SEMA5A: variants seen among roughly 807,000 people sequenced by gnomAD.
SEMA5A encodes semaphorin 5A, also known as semaphorin-5A.
SEMA5A carries 55 observed loss-of-function variants against 135.5 expected under a neutral mutation model. That is an observed-to-expected ratio of 0.41 (90% CI 0.33 to 0.51). The LOEUF is 0.51. Ranked by LOEUF, SEMA5A falls within the 20% of genes least tolerant of loss-of-function variation. The pLI, the probability that SEMA5A is intolerant of heterozygous loss-of-function variation, is 0.37. For synonymous variants in SEMA5A, 580 were observed against 546.5 expected, an observed-to-expected ratio of 1.06 and a Z score of -0.85; for missense variants, 1,290 against 1,419.9, an observed-to-expected ratio of 0.91 and a Z score of 1.47.
chr5:9,298,104 A>G (rs1751431320), intron 5 of SEMA5A, among the ~76,000 whole-genome samples: 1 of 152,206 alleles, frequency 6.6e-6, no homozygotes, highest in Admixed American at 6.5e-5. Flanking sequence ...GTACCTAACA[A>G]ATAATCTCAT....
At chr5:9,485,376 G>C (rs1996036) in intron 1 of SEMA5A, among the ~76,000 whole-genome samples, 43,917 of 152,032 alleles carry the variant, frequency 0.29, 6,760 homozygotes, top group East Asian at 0.55. Flanking sequence ...AAGAAACCTG[G>C]CTCATCTTAA....
At chr5:9,431,069 G>A (rs1757840825) in intron 2 of SEMA5A, among the ~76,000 whole-genome samples, 1 of 152,096 alleles carries the variant, frequency 6.6e-6, no homozygotes, top group Admixed American at 6.6e-5. Context: ...GCCAAACTAG[G>A]GTTAAGAGTT....
At chr5:9,208,811 G>A (rs1010032033) in intron 8 of SEMA5A, among the ~76,000 whole-genome samples, 7 of 152,148 alleles carry the variant, frequency 4.6e-5, no homozygotes, top group East Asian at 3.9e-4. Flanking sequence ...TTATCACTCC[G>A]TTTCCTGGGT....
In SEMA5A at chr5:9,039,142, G is replaced by GGAA. The variant is rs1477329093; in HGVS notation, c.*3752_*3754dup. ...TTTCCATCCTTTTGCAGATAAATAA[G>GGAA]GAAGTAAGTACACCTTTGGCTAAAA... On this transcript the variant is annotated 3_prime_UTR_variant, in exon 23 of 23. Transcript: ENST00000382496. 1 of 152,264 alleles carries GGAA rather than the reference G, an allele frequency of 6.6e-6. No individual in the cohort carries two copies. Among genetic ancestry groups the GGAA allele is most frequent in the African/African-American group, 2.4e-5 (1 of 41,468 alleles). 9.4% of individuals were successfully genotyped at this position (152,264 alleles called of 1,614,324 possible).
At chr5:9,456,665 C>T (rs1191643654) in intron 1 of SEMA5A, among the ~76,000 whole-genome samples, 2 of 152,068 alleles carry the variant, frequency 1.3e-5, no homozygotes, top group Admixed American at 6.6e-5. Flanking sequence ...TAAGTCAGCC[C>T]AGCTGCAATA....
chr5:9,267,442 A>G (rs1187424842), intron 5 of SEMA5A, among the ~76,000 whole-genome samples: 1 of 152,146 alleles, frequency 6.6e-6, no homozygotes, highest in African/African-American at 2.4e-5. Flanking sequence ...AGTGACATCA[A>G]TCACCCCATA....
At chr5:9,505,522 T>C (rs1735828494) in intron 1 of SEMA5A, among the ~76,000 whole-genome samples, 1 of 152,192 alleles carries the variant, frequency 6.6e-6, no homozygotes, top group Non-Finnish European at 1.5e-5. Context: ...GGCTTCTTGA[T>C]TGAATGCTAC....
intron 16 of SEMA5A, among the ~76,000 whole-genome samples, chr5:9,099,497 A>G (rs1288169696): frequency 6.6e-6 from 1 of 152,202 alleles, no homozygotes; most frequent in African/African-American, 2.4e-5. Flanking sequence ...TTTTACAACC[A>G]CAATGCAATG....
chr5:9,142,181 A>G (rs1006300314), intron 12 of SEMA5A, among the ~76,000 whole-genome samples: 4 of 152,210 alleles, frequency 2.6e-5, no homozygotes, highest in African/African-American at 7.2e-5. Context: ...GGGCCATAAG[A>G]GTCTGGTGAA....
intron 22 of SEMA5A, among the ~76,000 whole-genome samples, chr5:9,043,941 G>C (rs773660171): frequency 6.6e-6 from 1 of 152,192 alleles, no homozygotes; most frequent in Non-Finnish European, 1.5e-5. Flanking sequence ...GTTGTTCATG[G>C]AAGGAGCTCG....
At position 9,117,627 on chromosome 5, in the gene SEMA5A, G is replaced by A. The variant is rs560423547; in HGVS notation, c.1925+1371C>T. On this transcript the variant is annotated intron_variant, in intron 15 of 22. Transcript: ENST00000382496. ...TTTTGACGGCAAAAGTCAAAAAACCGTGTGGAAATTTCCACTTGTGGCATC... is the reference window on the plus strand; with the variant it reads ...TTTTGACGGCAAAAGTCAAAAAACCATGTGGAAATTTCCACTTGTGGCATC... Among the ~76,000 whole-genome samples the A allele has an allele frequency of 1.1e-4, 17 of 152,098 alleles. No individual in the cohort carries two copies. In the South Asian group the frequency reaches 1.2e-3, roughly 11 times the overall value.
intron 1 of SEMA5A, among the ~76,000 whole-genome samples, chr5:9,520,817 A>G (rs1736785787): frequency 1.3e-5 from 2 of 152,220 alleles, no homozygotes; most frequent in Admixed American, 1.3e-4. Flanking sequence ...AAGGTCATCC[A>G]AAACAAGGAA....
chr5:9,326,616 C>A (rs1752889538), intron 4 of SEMA5A, among the ~76,000 whole-genome samples: 1 of 151,804 alleles, frequency 6.6e-6, no homozygotes, highest in Non-Finnish European at 1.5e-5. Flanking sequence ...CCTACCCCTA[C>A]TAAATATACA....
At chr5:9,168,065 C>T (rs1743709846) in intron 11 of SEMA5A, among the ~76,000 whole-genome samples, 1 of 152,170 alleles carries the variant, frequency 6.6e-6, no homozygotes, top group Admixed American at 6.5e-5. Context: ...GCACCCCTCT[C>T]ACTGCCCACT....
At chr5:9,485,056 G>C (rs1760025257) in intron 1 of SEMA5A, among the ~76,000 whole-genome samples, 1 of 152,146 alleles carries the variant, frequency 6.6e-6, no homozygotes, top group Non-Finnish European at 1.5e-5. Context: ...TAAAGCTACA[G>C]TTCAGACTTA....
At chr5:9,273,742 C>T (rs1259329490) in intron 5 of SEMA5A, among the ~76,000 whole-genome samples, 1 of 152,036 alleles carries the variant, frequency 6.6e-6, no homozygotes, top group African/African-American at 2.4e-5. Flanking sequence ...CCAAACTAAG[C>T]TTCATAAGTG....
rs1741895605 is a variant in SEMA5A at position 9,138,655 on chromosome 5, G to A, written c.1482-2034C>T. Among the ~76,000 whole-genome samples, 3 of 152,128 alleles carry A rather than the reference G, an allele frequency of 2.0e-5. No individual in the cohort carries two copies. In the East Asian group the frequency reaches 5.8e-4, roughly 29 times the overall value. On this transcript the variant is annotated intron_variant, in intron 12 of 22. Coordinates refer to ENST00000382496, the MANE Select transcript of SEMA5A (RefSeq NM_003966.3). ...GGGAACAGGTGGTGTTTGGTTACAT[G>A]AGTACTTTTGTGGTGATTTATGAGA...
rs544938187 is a variant in SEMA5A, at chr5:9,458,664, C to T, written c.-174-20812G>A. Among the ~76,000 whole-genome samples the T allele has an allele frequency of 1.8e-4, 27 of 152,290 alleles. No individual in the cohort carries two copies. In the South Asian group the frequency reaches 5.0e-3, roughly 28 times the overall value. On this transcript the variant is annotated intron_variant, in intron 1 of 22. Coordinates refer to ENST00000382496, the MANE Select transcript of SEMA5A (RefSeq NM_003966.3). ...AGCTCCAAGGGTGAGGGAGGGAAGA[C>T]TCTACAGAAAACCAGGGCTCCATGT...
chr5:9,301,865 C>T (rs1375453175), intron 5 of SEMA5A, among the ~76,000 whole-genome samples: 1 of 152,076 alleles, frequency 6.6e-6, no homozygotes, highest in East Asian at 1.9e-4. Context: ...ATCAATATGA[C>T]TTTATTCTCT....
Sources: allele counts gnomAD v4.1 joint callset (sites outside exome capture counted in the v4.1 genomes callset), GRCh38; gene constraint gnomAD v4.1.1; transcripts MANE v1.5; gene names NCBI Gene and HGNC (gene_info 2026-07-23, HGNC 2026-07-21).